CTTNBP2NL: variants seen among roughly 807,000 people sequenced by gnomAD.
CTTNBP2NL encodes CTTNBP2 N-terminal-like protein.
In CTTNBP2NL, 16 loss-of-function variants were observed where a neutral mutation model predicts 32.5. The ratio of observed to expected loss-of-function variants is 0.49; its 90% CI spans 0.33 to 0.75. The LOEUF is 0.75. Ranked by LOEUF, CTTNBP2NL falls within the 30% of genes least tolerant of loss-of-function variation. CTTNBP2NL has a pLI of 0.02. For missense variants in CTTNBP2NL, 645 were observed against 756.0 expected, an observed-to-expected ratio of 0.85 and a Z score of 1.72; for synonymous variants, 298 against 289.4, an observed-to-expected ratio of 1.03 and a Z score of -0.30.
rs985626915 is a variant in CTTNBP2NL at position 112,460,017 on chromosome 1, G to A, written c.*2605G>A. On this transcript the variant is annotated 3_prime_UTR_variant, in exon 6 of 6. Transcript: ENST00000271277. ...GTATTATAGATTAGTATTTAAGTTT[G>A]CTGTAGATTGTGTGTGTGTGTGCTA... The A allele has an allele frequency of 6.6e-6, 1 of 152,164 alleles. No individual in the cohort carries two copies. The highest frequency in any genetic ancestry group is 1.5e-5 in the Non-Finnish European group (1 of 68,018). 9.4% of individuals were successfully genotyped at this position (152,164 alleles called of 1,614,324 possible). A position where few individuals can be genotyped will look rare whatever the true frequency, so the allele number is the denominator to read the frequency against.
rs1650469141 is a variant in CTTNBP2NL, at chr1:112,459,151, G to T, written c.*1739G>T. 1 of 152,232 alleles carries T rather than the reference G, an allele frequency of 6.6e-6. No individual in the cohort carries two copies. The highest frequency in any genetic ancestry group is 1.5e-5 in the Non-Finnish European group (1 of 68,040). 9.4% of individuals were successfully genotyped at this position (152,232 alleles called of 1,614,324 possible). ...ACACGTCTGCAGCTGGATTTAGCTT[G>T]CAAGCTGCCAAGTTGCAACCTCTTT... On this transcript the variant is annotated 3_prime_UTR_variant, in exon 6 of 6. Transcript: ENST00000271277.
intron 3 of CTTNBP2NL, among the ~76,000 whole-genome samples, chr1:112,428,306 T>C (rs776910010): frequency 1.4e-4 from 21 of 152,214 alleles, no homozygotes; most frequent in Admixed American, 2.6e-4. Context: ...CACATTTTTT[T>C]CTCAACTCTC....
At chr1:112,424,251 A>G (rs1649322956) in intron 3 of CTTNBP2NL, among the ~76,000 whole-genome samples, 1 of 152,058 alleles carries the variant, frequency 6.6e-6, no homozygotes, top group African/African-American at 2.4e-5. Flanking sequence ...TTGCATATAG[A>G]TGTCCAGTTG....
At chr1:112,419,915 C>T (rs564855065) in intron 3 of CTTNBP2NL, among the ~76,000 whole-genome samples, 1 of 152,142 alleles carries the variant, frequency 6.6e-6, no homozygotes, top group East Asian at 1.9e-4. Flanking sequence ...TGGGTGGTTT[C>T]GATCATTGAT....
At chr1:112,394,722 A>G (rs1648268437), upstream of CTTNBP2NL, among the ~76,000 whole-genome samples, 1 of 152,178 alleles carries the variant, frequency 6.6e-6, no homozygotes, top group Non-Finnish European at 1.5e-5. Context: ...TTGCTTTACC[A>G]TCATCCACGC....
At position 112,448,167 on chromosome 1, in the gene CTTNBP2NL, C is replaced by T. The variant is rs139381207; in HGVS notation, c.100-775C>T. ...TTACATGCTCATCCCCAAGGCTCAT[C>T]AAGCCTTGAAAGAGACAGAAAAGAG... On this transcript the variant is annotated intron_variant, in intron 3 of 5. Coordinates refer to ENST00000271277, the MANE Select transcript of CTTNBP2NL (RefSeq NM_018704.3). 5.9e-5 allele frequency among the ~76,000 whole-genome samples: 9 copies of T among 152,286 alleles called. No homozygotes were observed. In the East Asian group the frequency reaches 1.7e-3, roughly 29 times the overall value.
chr1:112,436,105 T>G (rs1406463609), intron 3 of CTTNBP2NL, among the ~76,000 whole-genome samples: 1 of 152,032 alleles, frequency 6.6e-6, no homozygotes, highest in Non-Finnish European at 1.5e-5. Context: ...GTTGCTTGTT[T>G]GTTTGTTTGT....
At chr1:112,423,937 G>A (rs893022913) in intron 3 of CTTNBP2NL, among the ~76,000 whole-genome samples, 1 of 152,094 alleles carries the variant, frequency 6.6e-6, no homozygotes, top group African/African-American at 2.4e-5. Context: ...TGGTCGGGCT[G>A]GTCTTGGACT....
At chr1:112,443,899 AG>A (rs1649965727) in intron 3 of CTTNBP2NL, among the ~76,000 whole-genome samples, 1 of 152,144 alleles carries the variant, frequency 6.6e-6, no homozygotes, top group African/African-American at 2.4e-5. Context: ...AACTACTTAT[AG>A]TTTATCTATA....
upstream of CTTNBP2NL, among the ~76,000 whole-genome samples, chr1:112,393,154 G>A (rs1444852516): frequency 2.0e-5 from 3 of 151,970 alleles, no homozygotes; most frequent in Admixed American, 2.0e-4. Flanking sequence ...CACTGCACTC[G>A]TCCAACACCC....
chr1:112,402,547 A>T (rs114556423), intron 1 of CTTNBP2NL, among the ~76,000 whole-genome samples: 1,711 of 152,350 alleles, frequency 0.011, 36 homozygotes, highest in African/African-American at 0.034. Flanking sequence ...CAGGTAAGTT[A>T]TAGGAAAAAG....
At chr1:112,409,221 T>C (rs1648783265) in intron 1 of CTTNBP2NL, among the ~76,000 whole-genome samples, 2 of 151,474 alleles carry the variant, frequency 1.3e-5, no homozygotes, top group East Asian at 2.0e-4. Context: ...TGCTCACCAA[T>C]ACTAAAAACT....
chr1:112,431,362 G>GCA (rs1362687589), intron 3 of CTTNBP2NL, among the ~76,000 whole-genome samples: 1 of 152,216 alleles, frequency 6.6e-6, no homozygotes, highest in African/African-American at 2.4e-5. Flanking sequence ...AGACAAAGAG[G>GCA]TTGCTTCTAA....
At chr1:112,401,302 G>A (rs1279648195) in intron 1 of CTTNBP2NL, among the ~76,000 whole-genome samples, 1 of 152,166 alleles carries the variant, frequency 6.6e-6, no homozygotes, top group Admixed American at 6.5e-5. Flanking sequence ...AGGAGAGTGT[G>A]TATCTGTCTT....
chr1:112,419,739 T>A (rs1488617305), intron 3 of CTTNBP2NL, among the ~76,000 whole-genome samples: 8 of 152,180 alleles, frequency 5.3e-5, no homozygotes, highest in African/African-American at 9.7e-5. Context: ...TTGCATTTTT[T>A]AAAAAAATCA....
intron 3 of CTTNBP2NL, among the ~76,000 whole-genome samples, chr1:112,432,461 G>C (rs767888820): frequency 4.6e-5 from 7 of 152,016 alleles, no homozygotes; most frequent in Non-Finnish European, 8.8e-5. Flanking sequence ...AAGGAAACTG[G>C]ATTCATTGGT....
At chr1:112,444,713 A>G (rs1031818496) in intron 3 of CTTNBP2NL, among the ~76,000 whole-genome samples, 1 of 152,238 alleles carries the variant, frequency 6.6e-6, no homozygotes, top group East Asian at 1.9e-4. Context: ...ATCATTTAAA[A>G]TTTCTTATAA....
At chr1:112,430,219 T>TTCTTTTCTTG (rs1649528180) in intron 3 of CTTNBP2NL, among the ~76,000 whole-genome samples, 2 of 32,258 alleles carry the variant, frequency 6.2e-5, no homozygotes, top group African/African-American at 1.1e-4. Context: ...TTCTTTTCTT[T>TTCTTTTCTTG]TCTTGTCTTT....
intron 3 of CTTNBP2NL, among the ~76,000 whole-genome samples, chr1:112,429,378 G>T (rs191209014): frequency 2.0e-5 from 3 of 152,322 alleles, no homozygotes; most frequent in East Asian, 3.9e-4. Context: ...CAGGCATGGT[G>T]GCACTTGCCT....
Sources: allele counts gnomAD v4.1 joint callset (sites outside exome capture counted in the v4.1 genomes callset), GRCh38; gene constraint gnomAD v4.1.1; transcripts MANE v1.5; gene names NCBI Gene and HGNC (gene_info 2026-07-23, HGNC 2026-07-21).